The following C12orf42 variants were observed in gnomAD, a reference collection of about 807,000 sequenced individuals.
C12orf42 encodes chromosome 12 open reading frame 42, also known as uncharacterized protein C12orf42.
In C12orf42, 25 loss-of-function variants were observed where a neutral mutation model predicts 21.6. That is an observed-to-expected ratio of 1.16 (90% CI 0.84 to 1.62). The LOEUF is 1.62. Among genes scored for constraint, C12orf42 ranks in the 40% most tolerant of loss-of-function variants. C12orf42 has a pLI of 0.00. For synonymous variants in C12orf42, 174 were observed against 175.0 expected, an observed-to-expected ratio of 0.99 and a Z score of 0.05; for missense variants, 483 against 459.3, an observed-to-expected ratio of 1.05 and a Z score of -0.47.
At chr12:103,180,274 G>A in the C12orf42 span, among the ~76,000 whole-genome samples, 1 of 152,064 alleles carries the variant, frequency 6.6e-6, no homozygotes, top group Non-Finnish European at 1.5e-5. Flanking sequence ...ATTTCATGGC[G>A]AGGAGGGGAG....
the C12orf42 span, among the ~76,000 whole-genome samples, chr12:103,124,300 A>T: frequency 1.4e-4 from 21 of 151,860 alleles, no homozygotes; most frequent in Non-Finnish European, 1.3e-4. Flanking sequence ...AGCACAGGAA[A>T]GTCCACAGAA....
the C12orf42 span, among the ~76,000 whole-genome samples, chr12:103,183,141 G>A: frequency 2.0e-5 from 3 of 152,146 alleles, no homozygotes; most frequent in African/African-American, 7.2e-5. Context: ...GAGTACAGTG[G>A]CCCGTTCTCA....
chr12:103,213,201 G>A, the C12orf42 span, among the ~76,000 whole-genome samples: 1 of 152,048 alleles, frequency 6.6e-6, no homozygotes, highest in Non-Finnish European at 1.5e-5. Flanking sequence ...CTTTCCATAA[G>A]AGATCTCATC....
At chr12:103,229,560 A>G in the C12orf42 span, among the ~76,000 whole-genome samples, 1 of 152,204 alleles carries the variant, frequency 6.6e-6, no homozygotes, top group Non-Finnish European at 1.5e-5. Flanking sequence ...TGTGAAAAGA[A>G]ACATAAGATT....
chr12:103,440,943 G>A (rs1433527485), intron 2 of C12orf42, among the ~76,000 whole-genome samples: 2 of 152,074 alleles, frequency 1.3e-5, no homozygotes, highest in Non-Finnish European at 2.9e-5. Context: ...AGCTAATAAT[G>A]GGTGAAATCT....
the C12orf42 span, among the ~76,000 whole-genome samples, chr12:103,053,928 T>C: frequency 6.6e-6 from 1 of 151,940 alleles, no homozygotes; most frequent in Non-Finnish European, 1.5e-5. Flanking sequence ...ATTTATTGTT[T>C]TCAAAATTTT....
chr12:103,246,532 C>A (rs1416861986), intron 10 of C12orf42, among the ~76,000 whole-genome samples: 4 of 150,338 alleles, frequency 2.7e-5, no homozygotes, highest in African/African-American at 7.3e-5. Flanking sequence ...AAACTGATTT[C>A]AAAAAAAAAG....
chr12:103,087,290 A>G, the C12orf42 span, among the ~76,000 whole-genome samples: 11 of 152,206 alleles, frequency 7.2e-5, no homozygotes, highest in Admixed American at 2.0e-4. Context: ...GTCACAGTCT[A>G]AAGTGGTTCA....
the C12orf42 span, among the ~76,000 whole-genome samples, chr12:103,187,356 T>C: frequency 6.6e-6 from 1 of 152,092 alleles, no homozygotes; most frequent in African/African-American, 2.4e-5. Flanking sequence ...AACTTTCCCA[T>C]AGTCACAACA....
At chr12:103,434,690 G>A (rs548021143) in intron 2 of C12orf42, among the ~76,000 whole-genome samples, 22 of 152,278 alleles carry the variant, frequency 1.4e-4, no homozygotes, top group Non-Finnish European at 2.5e-4. Flanking sequence ...GCGCTTTTCG[G>A]ACCGGCTTAA....
At chr12:103,078,260 A>G in the C12orf42 span, among the ~76,000 whole-genome samples, 1 of 152,212 alleles carries the variant, frequency 6.6e-6, no homozygotes, top group Non-Finnish European at 1.5e-5. Context: ...CATTTTCAAG[A>G]TTGAGAAAAT....
At chr12:103,537,023 A>G in the C12orf42 span, among the ~76,000 whole-genome samples, 1 of 151,962 alleles carries the variant, frequency 6.6e-6, no homozygotes, top group Non-Finnish European at 1.5e-5. Context: ...AATTGTATTC[A>G]CTACTCTTGC....
intron 10 of C12orf42, among the ~76,000 whole-genome samples, chr12:103,257,899 A>G (rs1490001194): frequency 6.6e-6 from 1 of 152,030 alleles, no homozygotes; most frequent in Admixed American, 6.5e-5. Context: ...AATGACCAAT[A>G]TCAAAAAAAA....
chr12:103,526,443 G>A, the C12orf42 span, among the ~76,000 whole-genome samples: 1 of 152,128 alleles, frequency 6.6e-6, no homozygotes, highest in Non-Finnish European at 1.5e-5. Context: ...GTAACTCAAG[G>A]GTTTGGGGTA....
chr12:103,158,538 G>A, the C12orf42 span, among the ~76,000 whole-genome samples: 1 of 152,112 alleles, frequency 6.6e-6, no homozygotes, highest in African/African-American at 2.4e-5. Flanking sequence ...GAAGCACCAT[G>A]AAAATGTATT....
At chr12:103,422,996 G>T (rs1168788660) in intron 2 of C12orf42, among the ~76,000 whole-genome samples, 1 of 152,148 alleles carries the variant, frequency 6.6e-6, no homozygotes. Context: ...ATATATGTTT[G>T]TCTTTCACAT....
the C12orf42 span, among the ~76,000 whole-genome samples, chr12:103,182,164 T>C: frequency 6.6e-6 from 1 of 151,920 alleles, no homozygotes; most frequent in African/African-American, 2.4e-5. Context: ...AAACCAGACT[T>C]GCTCACTCCC....
At chr12:103,382,191 A>G (rs1277569781) in intron 3 of C12orf42, among the ~76,000 whole-genome samples, 1 of 152,184 alleles carries the variant, frequency 6.6e-6, no homozygotes, top group East Asian at 1.9e-4. Flanking sequence ...TTCTATCCTC[A>G]TGAAAAATTA....
the C12orf42 span, among the ~76,000 whole-genome samples, chr12:103,561,586 C>T: frequency 1.6e-3 from 243 of 152,296 alleles, no homozygotes; most frequent in African/African-American, 5.4e-3. Context: ...GACCCCACCT[C>T]CTAATACCAT....
Sources: allele counts gnomAD v4.1 joint callset (sites outside exome capture counted in the v4.1 genomes callset), GRCh38; gene constraint gnomAD v4.1.1; transcripts MANE v1.5; gene names NCBI Gene and HGNC (gene_info 2026-07-23, HGNC 2026-07-21).